The following CWH43 variants were observed in gnomAD, a reference collection of about 807,000 sequenced individuals.
The protein encoded by CWH43 is cell wall biogenesis 43 C-terminal homolog, also known as PGAP2-interacting protein.
Under a neutral mutation model 85.7 loss-of-function variants are expected in CWH43, and 91 were observed. The observed-to-expected ratio is 1.06, with a 90% CI of 0.90 to 1.26. CWH43 has a LOEUF of 1.26. Among genes scored for constraint, CWH43 ranks in the 50% most tolerant of loss-of-function variants. The pLI is 0.00. For synonymous variants in CWH43, 323 were observed against 293.6 expected (o/e 1.10, Z -1.02); for missense variants, 869 against 839.2 (o/e 1.04, Z -0.44).
chr4:49,025,540 AG>A (rs887882767), intron 9 of CWH43, among the ~76,000 whole-genome samples: 319 of 152,332 alleles, frequency 2.1e-3, no homozygotes, highest in African/African-American at 7.2e-3. Context: ...TTTCTCCCAT[AG>A]GGTGCTCCCC....
intron 15 of CWH43, among the ~76,000 whole-genome samples, chr4:49,053,508 T>A (rs913076998): frequency 1.3e-5 from 2 of 152,308 alleles, no homozygotes; most frequent in African/African-American, 4.8e-5. Context: ...AGGTAATGTC[T>A]CATTGCGCTT....
At chr4:49,028,845 C>A in intron 10 of CWH43, 111 bp downstream of exon 10, 2 of 690,090 alleles carry the variant, frequency 2.9e-6, no homozygotes, top group Middle Eastern at 2.9e-4. Context: ...AAATTTATGA[C>A]CAGCAGATGA....
At chr4:49,014,536 TTA>T (rs1783476350) in intron 8 of CWH43, among the ~76,000 whole-genome samples, 1 of 152,108 alleles carries the variant, frequency 6.6e-6, no homozygotes, top group East Asian at 1.9e-4. Flanking sequence ...GTGTGTTTTC[TTA>T]TGTTTTGGTA....
At chr4:49,046,946 G>C (rs573065479) in intron 14 of CWH43, among the ~76,000 whole-genome samples, 1 of 152,304 alleles carries the variant, frequency 6.6e-6, no homozygotes, top group South Asian at 2.1e-4. Context: ...CCCTCTAACT[G>C]CCATCTTGGG....
At chr4:48,989,303 G>A (rs116679815) in intron 2 of CWH43, among the ~76,000 whole-genome samples, 3,037 of 152,246 alleles carry the variant, frequency 0.02, 39 homozygotes, top group Non-Finnish European at 0.033. Flanking sequence ...CAAGTAGATT[G>A]GCAAAGAACA....
In CWH43 at chr4:49,041,351, C is replaced by T. The variant is rs201809213; in HGVS notation, c.1803+3171C>T. 9.2e-5 allele frequency among the ~76,000 whole-genome samples: 14 copies of T among 152,160 alleles called. No individual in the cohort carries two copies. The East Asian group carries it at 1.3e-3, about 15-fold the overall frequency. On this transcript the variant is annotated intron_variant, in intron 13 of 15. Transcript: ENST00000226432. ...ACCTTGGGCAGTGTGGCCATTTTCA[C>T]GATATTGATTCTTCCTACCCATGAG...
intron 6 of CWH43, among the ~76,000 whole-genome samples, chr4:48,999,765 T>C (rs890221065): frequency 1.3e-5 from 2 of 152,184 alleles, no homozygotes; most frequent in African/African-American, 2.4e-5. Flanking sequence ...AAGCTCCATT[T>C]CCCTTTCTCC....
intron 9 of CWH43, among the ~76,000 whole-genome samples, chr4:49,022,338 TGGTGTATCACATTTA>T (rs1783776847): frequency 6.6e-6 from 1 of 152,242 alleles, no homozygotes; most frequent in Admixed American, 6.5e-5. Context: ...TCTGTTTATG[TGGTGTATCACATTTA>T]TTGACTTACT....
intron 10 of CWH43, among the ~76,000 whole-genome samples, 157 bp from the exon 11 acceptor site, chr4:49,030,668 T>A (rs1432783073): frequency 3.9e-5 from 6 of 152,218 alleles, no homozygotes; most frequent in Admixed American, 1.3e-4. Context: ...AGAGCTCAGA[T>A]TTGAGCCACT....
At position 48,988,640 on chromosome 4, in the gene CWH43, G is replaced by A; in HGVS notation, c.207G>A (p.Met69Ile). ...PFWKLVNKKW[M>I]LTLLRIITIG... is the part of the protein sequence containing the mutation. ...GGAAATTGGTTAACAAGAAGTGGAT[G>A]CTAACCCTGCTGAGGATAATCACTA... The change falls in exon 2 of 16, where the codon ATG (methionine) becomes ATA (isoleucine). Residue 69 changes from methionine to isoleucine, a missense_variant. Met to Ile is a conservative substitution (Grantham distance 10). Coordinates refer to ENST00000226432, the MANE Select transcript of CWH43 (RefSeq NM_025087.3). 6.2e-7 allele frequency: 1 copy of A among 1,610,682 alleles called. No individual in the cohort carries two copies.
intron 1 of CWH43, 102 bp downstream of exon 1, chr4:48,986,574 A>G: frequency 6.5e-7 from 1 of 1,530,160 alleles, no homozygotes; most frequent in South Asian, 1.2e-5. Context: ...GGTAGGAGGA[A>G]AAGGGCGCTC....
At chr4:49,052,747 C>T (rs532185948) in intron 15 of CWH43, among the ~76,000 whole-genome samples, 12 of 152,214 alleles carry the variant, frequency 7.9e-5, no homozygotes, top group African/African-American at 2.6e-4. Flanking sequence ...AGAAGGCATG[C>T]CTTAATTTTA....
intron 12 of CWH43, among the ~76,000 whole-genome samples, chr4:49,035,896 G>A (rs1488457642): frequency 6.6e-6 from 1 of 152,104 alleles, no homozygotes; most frequent in Admixed American, 6.6e-5. Context: ...ATCTGGATTT[G>A]AATCCTTGTT....
intron 14 of CWH43, among the ~76,000 whole-genome samples, chr4:49,049,529 A>AAACAGCAACAACAACAAC (rs1250748836): frequency 2.6e-5 from 4 of 151,960 alleles, no homozygotes; most frequent in East Asian, 1.9e-4. Context: ...CTAAAAAAAA[A>AAACAGCAACAACAACAAC]AACAGCAACA....
At chr4:49,027,878 G>T (rs1246876440) in intron 9 of CWH43, among the ~76,000 whole-genome samples, 1 of 152,052 alleles carries the variant, frequency 6.6e-6, no homozygotes, top group African/African-American at 2.4e-5. Flanking sequence ...ACTTAGGGTT[G>T]GGCAGCGCAT....
intron 13 of CWH43, among the ~76,000 whole-genome samples, chr4:49,041,638 T>G (rs536371061): frequency 1.3e-5 from 2 of 152,214 alleles, no homozygotes; most frequent in Non-Finnish European, 2.9e-5. Context: ...CTTAAGGAGA[T>G]GTATTTCTTT....
At chr4:49,004,048 A>G (rs1185742634) in intron 7 of CWH43, 56 bp downstream of exon 7, 2 of 1,493,930 alleles carry the variant, frequency 1.3e-6, no homozygotes, top group African/African-American at 1.4e-5. Context: ...ATCCTTATGG[A>G]CTGACCAGGA....
At position 49,025,600 on chromosome 4, in the gene CWH43, T is replaced by C. The variant is rs556615793; in HGVS notation, c.1267-3029T>C. Among the ~76,000 whole-genome samples the C allele has an allele frequency of 9.2e-5, 14 of 152,314 alleles. No individual in the cohort carries two copies. The East Asian group carries it at 1.9e-3, about 21-fold the overall frequency. On this transcript the variant is annotated intron_variant, in intron 9 of 15. Coordinates refer to ENST00000226432, the MANE Select transcript of CWH43 (RefSeq NM_025087.3). ...CCCAGGGATGGGACTTTCTGAGAGC[T>C]GAACTGCAGTGATTATTTCTTTTCT...
chr4:49,043,987 A>G (rs1341280234), intron 13 of CWH43, among the ~76,000 whole-genome samples: 3 of 152,142 alleles, frequency 2.0e-5, no homozygotes, highest in African/African-American at 7.2e-5. Context: ...ATTGTGATGT[A>G]TTCTTTTAGT....
Sources: gnomAD v4.1 joint callset for allele counts (sites outside exome capture counted in the v4.1 genomes callset) on GRCh38, gnomAD v4.1.1 for gene constraint, MANE v1.5 for transcripts, NCBI Gene and HGNC (gene_info 2026-07-23, HGNC 2026-07-21) for gene names.